SLC9A6: variants seen among roughly 807,000 people sequenced by gnomAD.
SLC9A6 encodes the protein solute carrier family 9 member A6.
Under a neutral mutation model 45.3 loss-of-function variants are expected in SLC9A6, and 6 were observed. The ratio of observed to expected loss-of-function variants is 0.13; its 90% CI spans 0.07 to 0.26. The LOEUF (loss-of-function observed/expected upper bound fraction) is 0.26, where lower values mean the gene tolerates loss of function less well. Ranked by LOEUF, SLC9A6 falls within the 10% of genes least tolerant of loss-of-function variation. The probability of loss-of-function intolerance (pLI) is 1.00; values close to 1 mark genes in which losing one functional copy is unlikely to be tolerated. For synonymous variants in SLC9A6, 191 were observed against 187.7 expected, an observed-to-expected ratio of 1.02 and a Z score of -0.14; for missense variants, 278 against 503.7, an observed-to-expected ratio of 0.55 and a Z score of 4.29.
At chrX:135,974,620 C>A (rs978183892), upstream of SLC9A6, 1 of 338,198 alleles carries the variant, frequency 3.0e-6, no homozygotes, top group Non-Finnish European at 5.9e-6. Context: ...TGAAACTGTG[C>A]CTTTTGTTTT....
chrX:136,015,519 T>G (rs181811969), intron 10 of SLC9A6, among the ~76,000 whole-genome samples: 6 of 111,601 alleles, frequency 5.4e-5, no homozygotes, highest in Non-Finnish European at 1.1e-4. Context: ...TTTGCCATCT[T>G]TGAAAATGGA....
At position 136,029,002 on chromosome X, in the gene SLC9A6, A is replaced by T. The variant is rs189660277; in HGVS notation, c.1550+27A>T. 8.5e-5 allele frequency: 25 copies of T among 293,095 alleles called. No individual in the cohort carries two copies. The East Asian group carries it at 1.0e-3, about 12-fold the overall frequency. 24.2% of individuals were successfully genotyped at this position (293,095 alleles called of 1,213,427 possible). ...TAAATAACTATACTCTACTGTGCTA[A>T]GTATCATAATAAAGGACTGTAGAAA... On this transcript the variant is annotated intron_variant, in intron 14 of 17. Transcript: ENST00000630721.
At chrX:136,009,837 T>C (rs1398224767) in intron 7 of SLC9A6, among the ~76,000 whole-genome samples, 1 of 112,358 alleles carries the variant, frequency 8.9e-6, no homozygotes, top group African/African-American at 3.2e-5. Flanking sequence ...ATGCTGAAAG[T>C]ACTGTTGAGT....
At chrX:136,006,105 G>C (rs1218102827) in intron 7 of SLC9A6, among the ~76,000 whole-genome samples, 1 of 111,939 alleles carries the variant, frequency 8.9e-6, no homozygotes, top group Non-Finnish European at 1.9e-5. Context: ...GTGTTTTGAA[G>C]TGGGTTAGAT....
rs2070960570 is a variant in SLC9A6, at chrX:136,013,454, A to G, written c.1080+17A>G. On this transcript the variant is annotated intron_variant, in intron 10 of 17. Coordinates refer to ENST00000630721, the MANE Select transcript of SLC9A6 (RefSeq NM_001379110.1). ...ACTAAACAGGTAAGAGGAACTTTATAGTTTGTGAATAGGCTTTTCCTTCTT... is the reference window on the plus strand; with the variant it reads ...ACTAAACAGGTAAGAGGAACTTTATGGTTTGTGAATAGGCTTTTCCTTCTT... 4 of 1,077,875 alleles carry G rather than the reference A, an allele frequency of 3.7e-6. No homozygotes were observed. Among genetic ancestry groups the G allele is most frequent in the Non-Finnish European group, 5.2e-6 (4 of 775,314 alleles). The allele number at this position is 1,077,875 out of a possible 1,213,427, so 88.8% of individuals were successfully genotyped here. A position where few individuals can be genotyped will look rare whatever the true frequency, so the allele number is the denominator to read the frequency against.
At chrX:135,981,099 C>T (rs904328527), upstream of SLC9A6, among the ~76,000 whole-genome samples, 1 of 111,496 alleles carries the variant, frequency 9.0e-6, no homozygotes, top group Non-Finnish European at 1.9e-5. Flanking sequence ...AGTCTGTTCT[C>T]ACACTGCTAT....
At chrX:135,989,975 T>G (rs1333868919) in intron 2 of SLC9A6, among the ~76,000 whole-genome samples, 1 of 111,303 alleles carries the variant, frequency 9.0e-6, no homozygotes, top group Non-Finnish European at 1.9e-5. Context: ...TCTTTGTGGT[T>G]GTGTTTTTTT....
intron 16 of SLC9A6, among the ~76,000 whole-genome samples, chrX:136,037,242 A>C (rs1027414129): frequency 2.7e-5 from 3 of 111,941 alleles, no homozygotes; most frequent in African/African-American, 9.8e-5. Flanking sequence ...ATTTACACAC[A>C]TGTGCATGTG....
At chrX:136,023,145 T>C (rs2071159357) in intron 12 of SLC9A6, among the ~76,000 whole-genome samples, 1 of 70,890 alleles carries the variant, frequency 1.4e-5, no homozygotes, top group Non-Finnish European at 2.6e-5. Flanking sequence ...GTTGCATCCT[T>C]GAATAGAAAA....
chrX:136,038,418 G>A lies in SLC9A6; in HGVS notation c.1662-1658G>A, dbSNP rs782196415. 2.7e-5 allele frequency among the ~76,000 whole-genome samples: 3 copies of A among 111,998 alleles called. No individual in the cohort carries two copies. In the South Asian group the frequency reaches 1.1e-3, roughly 41 times the overall value. On this transcript the variant is annotated intron_variant, in intron 16 of 17. Coordinates refer to ENST00000630721, the MANE Select transcript of SLC9A6 (RefSeq NM_001379110.1). Reference sequence around the variant, plus strand: ...ACTTGGTCATGATGTGTTATCCTTTGTGTATATCTCTGGATTTAATTTGCT... The same window carrying A: ...ACTTGGTCATGATGTGTTATCCTTTATGTATATCTCTGGATTTAATTTGCT...
At chrX:136,030,444 C>G (rs2071300947) in intron 15 of SLC9A6, 1 of 339,877 alleles carries the variant, frequency 2.9e-6, no homozygotes, top group East Asian at 5.2e-5. Context: ...TTTAAGCACT[C>G]CTGGGTTTTC....
chrX:135,982,820 G>T (rs1033904373), upstream of SLC9A6, among the ~76,000 whole-genome samples: 2 of 112,326 alleles, frequency 1.8e-5, no homozygotes, highest in Non-Finnish European at 3.8e-5. Flanking sequence ...ACTGTGGCTG[G>T]GGGGAGAAAG....
At position 136,044,547 on chromosome X, in the gene SLC9A6, G is replaced by A. The variant is rs782665428; in HGVS notation, c.1863G>A (p.Pro621=). 7.4e-6 allele frequency: 9 copies of A among 1,208,782 alleles called. No homozygotes were observed. The highest frequency in any genetic ancestry group is 1.8e-5 in the South Asian group (1 of 56,758). The change falls in exon 18 of 18, where the codon CCG becomes CCA. Residue 621 remains proline (P), a synonymous_variant. Coordinates refer to ENST00000630721, the MANE Select transcript of SLC9A6 (RefSeq NM_001379110.1). ...GAGATTCTACTGTGAACACTGAACC[G>A]GCCACATCCAGCGCCCCAAGGAGAT... is the stretch of plus-strand genomic sequence containing the variant. ...TYGDSTVNTE[P]ATSSAPRRFM...
intron 17 of SLC9A6, among the ~76,000 whole-genome samples, chrX:136,041,459 C>T (rs185616768): frequency 8.9e-6 from 1 of 112,057 alleles, no homozygotes; most frequent in East Asian, 2.8e-4. Flanking sequence ...ATGTTTCTGA[C>T]AGACTGTGCC....
At position 136,010,499 on chromosome X, in the gene SLC9A6, G is replaced by A. The variant is rs185192141; in HGVS notation, c.801G>A (p.Ala267=). The change falls in exon 8 of 18, where the codon GCG becomes GCA. Residue 267 remains alanine (A), a synonymous_variant. Coordinates refer to ENST00000630721, the MANE Select transcript of SLC9A6 (RefSeq NM_001379110.1). ...GDNSHTFDVT[A]MFKSIGIFLG... ...ACAGTCACACCTTTGATGTCACAGC[G>A]ATGTTCAAGTCTATTGGGATCTTCC... 9.9e-6 allele frequency: 12 copies of A among 1,208,985 alleles called. No homozygotes were observed. The highest frequency in any genetic ancestry group is 5.2e-5 in the African/African-American group (3 of 57,276).
At chrX:136,013,139 T>C (rs990453290) in intron 9 of SLC9A6, 85 bp downstream of exon 9, 13 of 751,203 alleles carry the variant, frequency 1.7e-5, no homozygotes, top group Non-Finnish European at 2.7e-5. Flanking sequence ...TCAGCTCCGT[T>C]AGTATTTGAA....
At chrX:136,031,783 G>A (rs1237497578) in intron 15 of SLC9A6, among the ~76,000 whole-genome samples, 1 of 111,844 alleles carries the variant, frequency 8.9e-6, no homozygotes, top group Non-Finnish European at 1.9e-5. Flanking sequence ...GAGTGTGTGG[G>A]GGTGGGGTAT....
chrX:135,995,733 C>G (rs782031703), intron 3 of SLC9A6, among the ~76,000 whole-genome samples: 2 of 111,548 alleles, frequency 1.8e-5, no homozygotes, highest in African/African-American at 6.5e-5. Context: ...TATTCTATAC[C>G]GATCACAATT....
chrX:136,016,047 C>T (rs1268542523), intron 10 of SLC9A6, among the ~76,000 whole-genome samples: 13 of 110,956 alleles, frequency 1.2e-4, no homozygotes, highest in Non-Finnish European at 2.3e-4. Flanking sequence ...TGCTATCCTA[C>T]AGATCGATCT....
Sources: gnomAD v4.1 joint callset for allele counts (sites outside exome capture counted in the v4.1 genomes callset) on GRCh38, gnomAD v4.1.1 for gene constraint, MANE v1.5 for transcripts, NCBI Gene and HGNC (gene_info 2026-07-23, HGNC 2026-07-21) for gene names.